The following PPP6R3 variants were observed in gnomAD, a reference collection of about 807,000 sequenced individuals.
PPP6R3 encodes protein phosphatase 6 regulatory subunit 3.
Under a neutral mutation model 110.7 loss-of-function variants are expected in PPP6R3, and 38 were observed. The ratio of observed to expected loss-of-function variants is 0.34; its 90% CI spans 0.26 to 0.45. The LOEUF (loss-of-function observed/expected upper bound fraction) is 0.45, where lower values mean the gene tolerates loss of function less well. PPP6R3 is among the 20% of genes least tolerant of loss of function. The pLI, the probability that PPP6R3 is intolerant of heterozygous loss-of-function variation, is 1.00. For missense variants in PPP6R3, 870 were observed against 1,062.4 expected, an observed-to-expected ratio of 0.82 and a Z score of 2.52; for synonymous variants, 369 against 373.5, an observed-to-expected ratio of 0.99 and a Z score of 0.14.
Position 68,614,311 on chromosome 11 carries a change from C to A in PPP6R3, c.*1194C>A. The A allele has an allele frequency of 9.4e-7, 1 of 1,060,228 alleles. No homozygotes were observed. The highest frequency in any genetic ancestry group is 1.1e-6 in the Non-Finnish European group (1 of 877,200). The allele number at this position is 1,060,228 out of a possible 1,614,324, so 65.7% of individuals were successfully genotyped here. ...AATTTTCTATGTCAATACAAAAATA[C>A]ATCACAGCCTTCTCAAACAGCTCAA... On this transcript the variant is annotated 3_prime_UTR_variant, in exon 24 of 24. Coordinates refer to ENST00000393800, the MANE Select transcript of PPP6R3 (RefSeq NM_001164161.2).
chr11:68,560,753 T>A (rs1336555157), intron 8 of PPP6R3, among the ~76,000 whole-genome samples: 4 of 152,180 alleles, frequency 2.6e-5, no homozygotes, highest in African/African-American at 7.2e-5. Context: ...TGTTCCTCTG[T>A]ATCTGCTGAG....
At chr11:68,488,155 T>C (rs1322596354) in intron 1 of PPP6R3, among the ~76,000 whole-genome samples, 1 of 152,236 alleles carries the variant, frequency 6.6e-6, no homozygotes, top group Non-Finnish European at 1.5e-5. Context: ...TGAAGCCTGC[T>C]CTATCTGCAA....
At chr11:68,529,688 G>A (rs1436777433) in intron 2 of PPP6R3, among the ~76,000 whole-genome samples, 1 of 152,106 alleles carries the variant, frequency 6.6e-6, no homozygotes. Flanking sequence ...AACAGTTCTC[G>A]TTTTCTTGTG....
rs533297769 is a variant in PPP6R3, at chr11:68,509,065, T to C, written c.-157-10436T>C. 5.2e-5 allele frequency among the ~76,000 whole-genome samples: 8 copies of C among 152,386 alleles called. No individual in the cohort carries two copies. In the East Asian group the frequency reaches 1.5e-3, roughly 29 times the overall value. On this transcript the variant is annotated intron_variant, in intron 1 of 23. Transcript: ENST00000393800. ...CCATAGTCTTCCTCGTTAGCTTCCA[T>C]GATGCTGTGCAGCAGCTCCCAGTGT... is the stretch of plus-strand genomic sequence containing the variant.
At chr11:68,538,088 C>T (rs1424648485) in intron 3 of PPP6R3, among the ~76,000 whole-genome samples, 197 bp downstream of exon 3, 5 of 152,096 alleles carry the variant, frequency 3.3e-5, no homozygotes, top group Admixed American at 6.5e-5. Context: ...TAAAAATGAG[C>T]GTTCTGAATT....
intron 19 of PPP6R3, among the ~76,000 whole-genome samples, chr11:68,600,063 A>G (rs1187286752): frequency 2.0e-5 from 3 of 152,154 alleles, no homozygotes; most frequent in Non-Finnish European, 4.4e-5. Context: ...CGGAGCTTGC[A>G]GTGAGCGGAG....
chr11:68,476,630 T>C (rs2098834933), intron 1 of PPP6R3, among the ~76,000 whole-genome samples: 1 of 152,234 alleles, frequency 6.6e-6, no homozygotes, highest in Admixed American at 6.5e-5. Context: ...CTATGTATAA[T>C]TTTTATCTTT....
At chr11:68,559,761 C>T (rs769826776) in intron 8 of PPP6R3, among the ~76,000 whole-genome samples, 2 of 151,980 alleles carry the variant, frequency 1.3e-5, no homozygotes, top group African/African-American at 4.8e-5. Context: ...GGATACAGTG[C>T]CCTCTTCCCA....
At chr11:68,559,196 G>C (rs1207323258) in intron 8 of PPP6R3, among the ~76,000 whole-genome samples, 5 of 152,196 alleles carry the variant, frequency 3.3e-5, no homozygotes, top group Admixed American at 2.6e-4. Flanking sequence ...TGGGCAGGTG[G>C]CTTGAGCTTT....
rs151021199 is a variant in PPP6R3 at position 68,589,814 on chromosome 11, C to T, written c.1731-846C>T. On this transcript the variant is annotated intron_variant, in intron 16 of 23. Coordinates refer to ENST00000393800, the MANE Select transcript of PPP6R3 (RefSeq NM_001164161.2). ...GCTCTTAATTGTGCTATAAACATGCCGTATGGGCACAGTGGAATGGAGGTG... is the reference window on the plus strand; with the variant it reads ...GCTCTTAATTGTGCTATAAACATGCTGTATGGGCACAGTGGAATGGAGGTG... 5.8e-4 allele frequency among the ~76,000 whole-genome samples: 88 copies of T among 152,328 alleles called. 1 individual carries two copies. Among genetic ancestry groups the T allele is most frequent in the African/African-American group, 2.0e-3 (84 of 41,568 alleles).
intron 1 of PPP6R3, among the ~76,000 whole-genome samples, chr11:68,514,060 A>G (rs1189363956): frequency 6.6e-6 from 1 of 152,132 alleles, no homozygotes; most frequent in Admixed American, 6.5e-5. Flanking sequence ...ACGCATTTTA[A>G]TGTATGTACG....
At chr11:68,546,140 TTTC>T (rs2099348151) in intron 4 of PPP6R3, among the ~76,000 whole-genome samples, 1 of 152,242 alleles carries the variant, frequency 6.6e-6, no homozygotes, top group African/African-American at 2.4e-5. Flanking sequence ...TAGGATAAGC[TTTC>T]TAAGTTGATT....
In PPP6R3 at chr11:68,571,072, A is replaced by G. The variant is rs1319190284; in HGVS notation, c.1311A>G (p.Ile437Met). The change falls in exon 12 of 24, where the codon ATA (isoleucine) becomes ATG (methionine). Residue 437 changes from isoleucine to methionine, a missense_variant. Physicochemically the swap from Ile to Met is conservative, Grantham distance 10 (BLOSUM62 1). Transcript: ENST00000393800. Reference sequence around the variant, plus strand: ...AAAAATGTCAATTAATAGAACGAATACTTGAAGCCTGGGAAATGAATGAGA... The same window carrying G: ...AAAAATGTCAATTAATAGAACGAATGCTTGAAGCCTGGGAAATGAATGAGA... ...LFQKCQLIER[I>M]LEAWEMNEKK... 6.3e-7 allele frequency: 1 copy of G among 1,595,616 alleles called. No individual in the cohort carries two copies. Among genetic ancestry groups the G allele is most frequent in the East Asian group, 2.2e-5 (1 of 44,594 alleles).
intron 1 of PPP6R3, among the ~76,000 whole-genome samples, chr11:68,491,448 A>G (rs768456601): frequency 1.9e-4 from 28 of 151,062 alleles, no homozygotes; most frequent in Non-Finnish European, 3.5e-4. Flanking sequence ...AGGTGCAAGG[A>G]TCCTCCCACC....
At chr11:68,487,391 A>C (rs1250027615) in intron 1 of PPP6R3, among the ~76,000 whole-genome samples, 1 of 152,058 alleles carries the variant, frequency 6.6e-6, no homozygotes. Flanking sequence ...CAACATGGCA[A>C]AACTCTATCT....
At chr11:68,466,183 T>C (rs917703234) in intron 1 of PPP6R3, among the ~76,000 whole-genome samples, 1 of 152,240 alleles carries the variant, frequency 6.6e-6, no homozygotes, top group African/African-American at 2.4e-5. Context: ...AGATTTTGTT[T>C]TGGCCTTTTG....
At position 68,496,192 on chromosome 11, in the gene PPP6R3, T is replaced by TTTG. The variant is rs1164855606; in HGVS notation, c.-157-23307_-157-23306insGTT. 9.0e-4 allele frequency among the ~76,000 whole-genome samples: 137 copies of TTTG among 152,062 alleles called. 2 individuals carry two copies. The highest frequency in any genetic ancestry group is 3.3e-3 in the African/African-American group (135 of 41,512). On this transcript the variant is annotated intron_variant, in intron 1 of 23. Coordinates refer to ENST00000393800, the MANE Select transcript of PPP6R3 (RefSeq NM_001164161.2). ...TTTTTCTTTTCTTTTCTTTTTTTTTTTTTGTTGTTGTTAAGACAAGGTTTC... is the reference window on the plus strand; with the variant it reads ...TTTTTCTTTTCTTTTCTTTTTTTTTTTTGTTTGTTGTTGTTAAGACAAGGTTTC...
At position 68,522,908 on chromosome 11, in the gene PPP6R3, G is replaced by T. The variant is rs75704754; in HGVS notation, c.-7+3257G>T. Among the ~76,000 whole-genome samples the T allele has an allele frequency of 2.9e-3, 443 of 152,272 alleles. 16 individuals carry two copies. The East Asian group carries it at 0.072, about 25-fold the overall frequency. On this transcript the variant is annotated intron_variant, in intron 2 of 23. Transcript: ENST00000393800. ...TCAGAGGTATATCACAAGGTTTATA[G>T]CAAAAAATAACAATTGTTCCATCTT...
chr11:68,487,282 A>G (rs1323924251), intron 1 of PPP6R3, among the ~76,000 whole-genome samples: 2 of 152,202 alleles, frequency 1.3e-5, no homozygotes, highest in African/African-American at 4.8e-5. Context: ...GCCAGGTGCA[A>G]TGGCTCATAC....
Sources: allele counts gnomAD v4.1 joint callset (sites outside exome capture counted in the v4.1 genomes callset), GRCh38; gene constraint gnomAD v4.1.1; transcripts MANE v1.5; gene names NCBI Gene and HGNC (gene_info 2026-07-23, HGNC 2026-07-21).